Variants in ACOT13 observed in about 807,000 individuals in gnomAD.
ACOT13 encodes the protein acyl-CoA thioesterase 13, also known as acyl-coenzyme A thioesterase 13.
ACOT13 carries 10 observed loss-of-function variants against 11.8 expected under a neutral mutation model. The ratio of observed to expected loss-of-function variants is 0.85; its 90% confidence interval spans 0.53 to 1.44. The LOEUF is 1.44. ACOT13 is among the 40% of genes most tolerant of loss of function. ACOT13 has a pLI of 0.00. For synonymous variants in ACOT13, 53 were observed against 61.0 expected (o/e 0.87, Z 0.61); for missense variants, 172 against 174.1 (o/e 0.99, Z 0.07).
At chr6:24,673,005 G>A (rs779585798) in intron 1 of ACOT13, among the ~76,000 whole-genome samples, 1 of 152,170 alleles carries the variant, frequency 6.6e-6, no homozygotes, top group Non-Finnish European at 1.5e-5. Flanking sequence ...GATTTAGTAG[G>A]ACTTGGTGTC....
chr6:24,673,214 C>G (rs902757626), intron 1 of ACOT13, among the ~76,000 whole-genome samples: 3 of 152,028 alleles, frequency 2.0e-5, no homozygotes, highest in African/African-American at 7.2e-5. Context: ...AAAAGACCTT[C>G]TGCAATGCAC....
At chr6:24,687,330 G>T in intron 1 of ACOT13, 3 of 683,560 alleles carry the variant, frequency 4.4e-6, no homozygotes, top group Non-Finnish European at 5.6e-6. Context: ...AAACTTTTGA[G>T]TAGTTCTGCA....
At chr6:24,677,837 T>C (rs1055886267) in intron 1 of ACOT13, among the ~76,000 whole-genome samples, 22 of 152,346 alleles carry the variant, frequency 1.4e-4, no homozygotes, top group Middle Eastern at 6.8e-3. Context: ...GGTTTTGGGA[T>C]GAGGATAAGC....
At chr6:24,689,369 T>C (rs1366253605) in intron 1 of ACOT13, among the ~76,000 whole-genome samples, 1 of 151,698 alleles carries the variant, frequency 6.6e-6, no homozygotes, top group Non-Finnish European at 1.5e-5. Flanking sequence ...GGCTGGAGGC[T>C]GCGCATGGTG....
intron 1 of ACOT13, among the ~76,000 whole-genome samples, chr6:24,686,154 A>G (rs539558621): frequency 1.3e-5 from 2 of 151,484 alleles, no homozygotes; most frequent in South Asian, 4.1e-4. Flanking sequence ...AATACTAACC[A>G]TAGTTCTTGG....
Position 24,702,094 on chromosome 6 carries a change from G to A in ACOT13, c.*479G>A, listed in dbSNP as rs183355344. On this transcript the variant is annotated 3_prime_UTR_variant, in exon 3 of 3. Transcript: ENST00000230048. ...GATGGTGCCTTCTCACTGTGTGGTG[G>A]AAGGGGCAAGTGAGCCCTCTGGGTT... is the stretch of plus-strand genomic sequence containing the variant. 2 of 152,760 alleles carry A rather than the reference G, an allele frequency of 1.3e-5. No individual in the cohort carries two copies. The highest frequency in any genetic ancestry group is 2.9e-5 in the Non-Finnish European group (2 of 68,526). The allele number at this position is 152,760 out of a possible 1,614,324, so 9.5% of individuals were successfully genotyped here. A position where few individuals can be genotyped will look rare whatever the true frequency, so the allele number is the denominator to read the frequency against.
chr6:24,668,161 G>A (rs1282823317), intron 1 of ACOT13, among the ~76,000 whole-genome samples: 2 of 152,052 alleles, frequency 1.3e-5, no homozygotes, highest in African/African-American at 2.4e-5. Context: ...GCCTGCCTCC[G>A]CCTCCCAAAG....
chr6:24,687,913 G>A (rs946943677), intron 1 of ACOT13, among the ~76,000 whole-genome samples: 4 of 151,618 alleles, frequency 2.6e-5, no homozygotes, highest in African/African-American at 9.7e-5. Flanking sequence ...GGGTTTCACC[G>A]TATTGGCGAG....
rs1053817922 is a variant in ACOT13 at position 24,680,946 on chromosome 6, A to G, written c.81+13602A>G. ...CTTCCACAGAGTCTCTGTATTAATT[A>G]CTGAATACCTATTGTGGTTTTTTCC... On this transcript the variant is annotated intron_variant, in intron 1 of 2. Coordinates refer to ENST00000230048, the MANE Select transcript of ACOT13 (RefSeq NM_018473.4). Among the ~76,000 whole-genome samples, 7 of 152,376 alleles carry G rather than the reference A, an allele frequency of 4.6e-5. No homozygotes were observed. In the East Asian group the frequency reaches 1.2e-3, roughly 25 times the overall value.
chr6:24,700,606 C>T (rs1778876985), intron 2 of ACOT13, among the ~76,000 whole-genome samples: 1 of 151,680 alleles, frequency 6.6e-6, no homozygotes, highest in Non-Finnish European at 1.5e-5. Flanking sequence ...TAGCTAACTT[C>T]TGTATTTTTA....
At position 24,702,930 on chromosome 6, in the gene ACOT13, C is replaced by T. The variant is rs1021746682; in HGVS notation, c.*1315C>T. On this transcript the variant is annotated 3_prime_UTR_variant, in exon 3 of 3. Transcript: ENST00000230048. ...TGTGGCACTCTGAGACAGCTTCTGT[C>T]ACTCAGGCTGGAGTGATACAATCAC... The T allele has an allele frequency of 3.3e-5, 5 of 152,092 alleles. No homozygotes were observed. Among genetic ancestry groups the T allele is most frequent in the African/African-American group, 4.8e-5 (2 of 41,466 alleles). The allele number at this position is 152,092 out of a possible 1,614,324, so 9.4% of individuals were successfully genotyped here.
At chr6:24,668,111 T>C (rs1778294079) in intron 1 of ACOT13, among the ~76,000 whole-genome samples, 2 of 151,726 alleles carry the variant, frequency 1.3e-5, no homozygotes, top group African/African-American at 4.8e-5. Context: ...TTTCTCCATG[T>C]TGGTCAGGCT....
chr6:24,697,889 C>A lies in ACOT13; in HGVS notation c.88C>A (p.Leu30Ile), dbSNP rs1562162846. Residue 30 changes from leucine (L) to isoleucine (I), a missense_variant, in exon 2 of 3, where the codon CTT becomes ATT. Coordinates refer to ENST00000230048, the MANE Select transcript of ACOT13 (RefSeq NM_018473.4). ...NFERVLGKITLVSAAPGKVIC... is the reference protein window; with the variant it reads ...NFERVLGKITIVSAAPGKVIC... Reference sequence around the variant, plus strand: ...TTCTTTTTTTTACACTTAGATTACTCTTGTCTCTGCTGCTCCTGGGAAAGT... The same window carrying A: ...TTCTTTTTTTTACACTTAGATTACTATTGTCTCTGCTGCTCCTGGGAAAGT... The A allele has an allele frequency of 6.2e-7, 1 of 1,602,538 alleles. No homozygotes were observed. Among genetic ancestry groups the A allele is most frequent in the Admixed American group, 1.7e-5 (1 of 57,470 alleles).
At chr6:24,676,707 G>C (rs1244698747) in intron 1 of ACOT13, among the ~76,000 whole-genome samples, 1 of 152,174 alleles carries the variant, frequency 6.6e-6, no homozygotes, top group African/African-American at 2.4e-5. Context: ...CCTTCTATAA[G>C]CATTTCTAAT....
chr6:24,668,738 G>A (rs1251205350), intron 1 of ACOT13, among the ~76,000 whole-genome samples: 2 of 152,242 alleles, frequency 1.3e-5, no homozygotes, highest in East Asian at 1.9e-4. Flanking sequence ...AAGACGTGGC[G>A]TGCAATCAGA....
chr6:24,677,380 T>C (rs773074022), intron 1 of ACOT13, among the ~76,000 whole-genome samples: 5 of 152,228 alleles, frequency 3.3e-5, no homozygotes, highest in Non-Finnish European at 7.3e-5. Flanking sequence ...GCAGTGAGTA[T>C]GCCATTCACA....
chr6:24,667,622 A>C (rs2127619937), intron 1 of ACOT13, among the ~76,000 whole-genome samples: 2 of 152,342 alleles, frequency 1.3e-5, no homozygotes, highest in Middle Eastern at 3.4e-3. Context: ...TCCTTCAACC[A>C]ACAAACGTCT....
At position 24,703,431 on chromosome 6, in the gene ACOT13, G is replaced by A. The variant is rs144092466; in HGVS notation, c.*1816G>A. The A allele has an allele frequency of 3.2e-4, 49 of 152,422 alleles. 1 individual carries two copies. The highest frequency in any genetic ancestry group is 7.5e-4 in the African/African-American group (31 of 41,562). 9.4% of individuals were successfully genotyped at this position (152,422 alleles called of 1,614,324 possible). A position where few individuals can be genotyped will look rare whatever the true frequency, so the allele number is the denominator to read the frequency against. On this transcript the variant is annotated 3_prime_UTR_variant, in exon 3 of 3. Transcript: ENST00000230048. ...CTAAAAGGAAGCTGGGCTCCTTGGA[G>A]AAACAGCTGACTCCAGGGCTTGAGG...
At chr6:24,693,092 GAC>G (rs1465307261) in intron 1 of ACOT13, among the ~76,000 whole-genome samples, 1 of 152,158 alleles carries the variant, frequency 6.6e-6, no homozygotes, top group Non-Finnish European at 1.5e-5. Flanking sequence ...ACTGTCCTTA[GAC>G]ACACCTCCTG....
Sources: allele counts gnomAD v4.1 joint callset (sites outside exome capture counted in the v4.1 genomes callset), GRCh38; gene constraint gnomAD v4.1.1; transcripts MANE v1.5; gene names NCBI Gene and HGNC (gene_info 2026-07-23, HGNC 2026-07-21).